PDIA4: variants seen among roughly 807,000 people sequenced by gnomAD.
The protein encoded by PDIA4 is protein disulfide isomerase family A member 4, also known as protein disulfide-isomerase A4.
A neutral mutation model predicts 62.1 loss-of-function variants in PDIA4; 33 were observed. The observed-to-expected ratio is 0.53, with a 90% CI of 0.40 to 0.71. The LOEUF (loss-of-function observed/expected upper bound fraction) is 0.71, where lower values mean the gene tolerates loss of function less well. Among genes scored for constraint, PDIA4 ranks in the 30% least tolerant of loss-of-function variants. The probability of loss-of-function intolerance (pLI) is 0.00; values close to 1 mark genes in which losing one functional copy is unlikely to be tolerated. For missense variants in PDIA4, 804 were observed against 813.6 expected (o/e 0.99, Z 0.14); for synonymous variants, 341 against 324.1 (o/e 1.05, Z -0.56).
At chr7:149,020,394 A>G (rs1329398097) in intron 2 of PDIA4, among the ~76,000 whole-genome samples, 1 of 152,224 alleles carries the variant, frequency 6.6e-6, no homozygotes, top group East Asian at 1.9e-4. Context: ...AGGGGTCATG[A>G]GATTCAAAAC....
chr7:149,010,351 G>A (rs1823903806), intron 6 of PDIA4, among the ~76,000 whole-genome samples: 1 of 152,132 alleles, frequency 6.6e-6, no homozygotes, highest in Non-Finnish European at 1.5e-5. Context: ...AAATTAGCTG[G>A]ATGTGGTGGC....
chr7:149,005,762 G>C (rs896687148), intron 8 of PDIA4, 135 bp downstream of exon 8: 3 of 660,982 alleles, frequency 4.5e-6, no homozygotes, highest in Non-Finnish European at 7.3e-6. Context: ...AGCCACCAAC[G>C]TGCAAGGGCC....
At chr7:149,005,454 C>T (rs1278559955) in intron 8 of PDIA4, 80 bp from the exon 9 acceptor site, 1 of 865,206 alleles carries the variant, frequency 1.2e-6, no homozygotes, top group Non-Finnish European at 2.0e-6. Context: ...GGCTTCAGGT[C>T]CTGTCGCTAA....
intron 1 of PDIA4, among the ~76,000 whole-genome samples, chr7:149,023,779 C>G (rs1824440006): frequency 6.6e-6 from 1 of 152,178 alleles, no homozygotes; most frequent in Non-Finnish European, 1.5e-5. Flanking sequence ...ACATAGACAA[C>G]TCCTTTACAG....
At chr7:149,021,488 CAAAAAAA>C (rs34989074) in intron 1 of PDIA4, among the ~76,000 whole-genome samples, 2 of 64,932 alleles carry the variant, frequency 3.1e-5, no homozygotes, top group East Asian at 4.7e-4. Flanking sequence ...CACTTCATCT[CAAAAAAA>C]AAAAAAAAAA....
intron 1 of PDIA4, among the ~76,000 whole-genome samples, chr7:149,022,546 C>T (rs763398912): frequency 7.2e-5 from 11 of 152,250 alleles, no homozygotes; most frequent in Non-Finnish European, 1.6e-4. Context: ...AGAATGTTTC[C>T]GGGGCCAATT....
chr7:149,005,187 C>T lies in PDIA4; in HGVS notation c.1476G>A (p.Glu492=). 4 of 1,614,108 alleles carry T rather than the reference C, an allele frequency of 2.5e-6. No homozygotes were observed. Among genetic ancestry groups the T allele is most frequent in the Non-Finnish European group, 2.5e-6 (3 of 1,179,986 alleles). ...SGKKFAMEPE[E]FDSDTLREFV... Reference sequence around the variant, plus strand: ...ACTCGCGGAGGGTGTCAGAGTCAAACTCCTCTGGCTCCATGGCGAACTTCT... The same window carrying T: ...ACTCGCGGAGGGTGTCAGAGTCAAATTCCTCTGGCTCCATGGCGAACTTCT... The change falls in exon 9 of 10, where the codon GAG becomes GAA. Residue 492 remains glutamate, a synonymous_variant. Transcript: ENST00000652332.
chr7:149,018,996 C>G lies in PDIA4; in HGVS notation c.471G>C (p.Gln157His). The part of the protein sequence containing the change: ...QAVDYEGSRT[Q>H]EEIVAKVREV... ...CGAGCTCAGGTACCAGCTCACCTTC[C>G]TGGGTTCTGGAGCCCTCGTAGTCTA... Residue 157 changes from glutamine (Q) to histidine (H), a missense_variant, in exon 3 of 10, where the codon CAG becomes CAC. Gln to His is a conservative substitution (Grantham distance 24). Transcript: ENST00000652332. 6.2e-7 allele frequency: 1 copy of G among 1,610,998 alleles called. No individual in the cohort carries two copies. The highest frequency in any genetic ancestry group is 8.5e-7 in the Non-Finnish European group (1 of 1,177,572).
At chr7:149,015,174 C>A in intron 3 of PDIA4, 132 bp from the exon 4 acceptor site, 1 of 872,980 alleles carries the variant, frequency 1.1e-6, no homozygotes, top group Non-Finnish European at 1.7e-6. Context: ...GTCTGATTTC[C>A]TGAAACCTGG....
intron 2 of PDIA4, among the ~76,000 whole-genome samples, chr7:149,019,600 CAGG>C (rs1824273146): frequency 2.0e-5 from 3 of 152,116 alleles, no homozygotes; most frequent in Non-Finnish European, 2.9e-5. Flanking sequence ...CACTTGAGAT[CAGG>C]AGTTCAAGAC....
In PDIA4 at chr7:149,003,736, C is replaced by A. The variant is rs2129503566; in HGVS notation, c.*58G>T. The A allele has an allele frequency of 7.2e-7, 1 of 1,388,592 alleles. No homozygotes were observed. The highest frequency in any genetic ancestry group is 1.7e-5 in the South Asian group (1 of 58,622). The allele number at this position is 1,388,592 out of a possible 1,614,324, so 86.0% of individuals were successfully genotyped here. On this transcript the variant is annotated 3_prime_UTR_variant, in exon 10 of 10. Transcript: ENST00000652332. ...TGTTGCCGGCCTCGGCGTGGACGCC[C>A]CGACCATGGGCCACGCAGGGCGTCT...
At chr7:149,010,646 T>C (rs1463395882) in intron 6 of PDIA4, among the ~76,000 whole-genome samples, 5 of 152,018 alleles carry the variant, frequency 3.3e-5, no homozygotes, top group Non-Finnish European at 7.4e-5. Flanking sequence ...GACCCTTTCA[T>C]CCCCCAGCCG....
Position 149,014,901 on chromosome 7 carries a change from T to C in PDIA4, c.614+3A>G, listed in dbSNP as rs754419559. Reference sequence around the variant, plus strand: ...ATATGGAAAGGGCCTGACACCACCTTACCATGGGGCATAAAACTCCACCAG... The same window carrying C: ...ATATGGAAAGGGCCTGACACCACCTCACCATGGGGCATAAAACTCCACCAG... On this transcript the variant is annotated splice_donor_region_variant and intron_variant, in intron 4 of 9. Coordinates refer to ENST00000652332, the MANE Select transcript of PDIA4 (RefSeq NM_004911.5). The C allele has an allele frequency of 6.2e-7, 1 of 1,613,984 alleles. No homozygotes were observed. The highest frequency in any genetic ancestry group is 8.5e-7 in the Non-Finnish European group (1 of 1,179,870).
In PDIA4 at chr7:149,028,455, CG is replaced by C; in HGVS notation, c.-48del. On this transcript the variant is annotated 5_prime_UTR_variant, in exon 1 of 10. Coordinates refer to ENST00000652332, the MANE Select transcript of PDIA4 (RefSeq NM_004911.5). ...CCTCCTAGCGTCGGCGGCCGCTGAG[CG>C]CACCGAGAACTCGGGGTCTGGCCGA... is the stretch of plus-strand genomic sequence containing the variant. The C allele has an allele frequency of 7.6e-7, 1 of 1,322,276 alleles. No individual in the cohort carries two copies. The highest frequency in any genetic ancestry group is 2.1e-4 in the Middle Eastern group (1 of 4,824). 81.9% of individuals were successfully genotyped at this position (1,322,276 alleles called of 1,614,324 possible).
intron 6 of PDIA4, among the ~76,000 whole-genome samples, chr7:149,010,316 T>C (rs1823902464): frequency 1.3e-5 from 2 of 151,988 alleles, no homozygotes; most frequent in African/African-American, 4.8e-5. Flanking sequence ...CTGGGCAACA[T>C]GGCAAAATCT....
At chr7:149,013,970 C>T (rs545190429) in intron 4 of PDIA4, among the ~76,000 whole-genome samples, 1 of 152,300 alleles carries the variant, frequency 6.6e-6, no homozygotes, top group East Asian at 1.9e-4. Flanking sequence ...AAACAAGGGT[C>T]TGTGTCTCTC....
Position 149,011,902 on chromosome 7 carries a change from A to G in PDIA4, c.923T>C (p.Ile308Thr). ...ACTCTCCCCCTTAAAGACCCCGATGATGATGACATCGTCTCCATCCTTCAG... is the reference window on the plus strand; with the variant it reads ...ACTCTCCCCCTTAAAGACCCCGATGGTGATGACATCGTCTCCATCCTTCAG... ...EFLKDGDDVI[I>T]IGVFKGESDP... Residue 308 changes from isoleucine (I) to threonine (T), a missense_variant, in exon 6 of 10, where the codon ATC becomes ACC. By Grantham distance (89) the Ile-to-Thr change is moderately conservative (BLOSUM62 -1). Coordinates refer to ENST00000652332, the MANE Select transcript of PDIA4 (RefSeq NM_004911.5). 5.6e-6 allele frequency: 9 copies of G among 1,606,326 alleles called. No individual in the cohort carries two copies. Among genetic ancestry groups the G allele is most frequent in the Non-Finnish European group, 7.7e-6 (9 of 1,176,204 alleles).
intron 8 of PDIA4, 77 bp from the exon 9 acceptor site, chr7:149,005,451 G>T: frequency 1.1e-6 from 1 of 886,124 alleles, no homozygotes; most frequent in Non-Finnish European, 1.9e-6. Flanking sequence ...TCAGGCTTCA[G>T]GTCCTGTCGC....
At chr7:149,006,256 G>A (rs539639727) in intron 7 of PDIA4, 14 of 517,712 alleles carry the variant, frequency 2.7e-5, no homozygotes, top group Admixed American at 1.3e-4. Context: ...CCAGTGAACC[G>A]TAGGTGGCTT....
Sources: allele counts gnomAD v4.1 joint callset (sites outside exome capture counted in the v4.1 genomes callset), GRCh38; gene constraint gnomAD v4.1.1; transcripts MANE v1.5; gene names NCBI Gene and HGNC (gene_info 2026-07-23, HGNC 2026-07-21).